PAH: variants seen among roughly 807,000 people sequenced by gnomAD.
The protein encoded by PAH is phenylalanine-4-hydroxylase.
PAH carries 64 observed loss-of-function variants against 62.0 expected under a neutral mutation model. The ratio of observed to expected loss-of-function variants is 1.03; its 90% confidence interval spans 0.84 to 1.27. PAH has a LOEUF of 1.27. Among genes scored for constraint, PAH ranks in the 50% most tolerant of loss-of-function variants. The pLI is 0.00. For missense variants in PAH, 579 were observed against 542.8 expected (o/e 1.07, Z -0.66); for synonymous variants, 195 against 196.2 (o/e 0.99, Z 0.05).
intron 1 of PAH, among the ~76,000 whole-genome samples, chr12:102,941,136 T>TACCAACAAACCTGCC (rs1455854190): frequency 1.3e-5 from 2 of 152,178 alleles, no homozygotes; most frequent in Non-Finnish European, 2.9e-5. Flanking sequence ...TGGAATTCAT[T>TACCAACAAACCTGCC]ACCAACAAAC....
At chr12:102,868,730 A>C (rs1876171298) in intron 4 of PAH, among the ~76,000 whole-genome samples, 1 of 152,282 alleles carries the variant, frequency 6.6e-6, no homozygotes, top group South Asian at 2.1e-4. Context: ...CCATTTTAGA[A>C]ACCTGTCTAC....
At chr12:102,870,735 A>G (rs552203054) in intron 4 of PAH, among the ~76,000 whole-genome samples, 1 of 152,310 alleles carries the variant, frequency 6.6e-6, no homozygotes, top group South Asian at 2.1e-4. Flanking sequence ...GAAGGATGGA[A>G]CACAGAAGAC....
At chr12:102,932,866 G>A (rs931822041) in intron 1 of PAH, among the ~76,000 whole-genome samples, 2 of 152,118 alleles carry the variant, frequency 1.3e-5, no homozygotes, top group Non-Finnish European at 2.9e-5. Flanking sequence ...GAGTACATAA[G>A]ATATTTTGAT....
At chr12:102,854,805 C>T in intron 6 of PAH, 1 of 390,620 alleles carries the variant, frequency 2.6e-6, no homozygotes, top group Admixed American at 3.7e-5. Context: ...GCAGGAACTA[C>T]AGGGCAAACA....
At chr12:102,850,705 C>T (rs1032352665) in intron 8 of PAH, among the ~76,000 whole-genome samples, 1 of 152,168 alleles carries the variant, frequency 6.6e-6, no homozygotes, top group Admixed American at 6.5e-5. Flanking sequence ...ACCATTCAAC[C>T]TTCTCATGAT....
intron 1 of PAH, chr12:102,914,402 C>T (rs896311121): frequency 1.3e-5 from 2 of 152,700 alleles, no homozygotes; most frequent in African/African-American, 4.8e-5. Flanking sequence ...GCACCAAGTG[C>T]CCCCTTTTAT....
At chr12:102,841,863 G>A (rs2093202676) in intron 11 of PAH, among the ~76,000 whole-genome samples, 2 of 152,150 alleles carry the variant, frequency 1.3e-5, no homozygotes. Context: ...AAAGGAGGTA[G>A]CATGTGAACC....
chr12:102,866,761 G>T, intron 4 of PAH, 98 bp from the exon 5 acceptor site: 2 of 953,496 alleles, frequency 2.1e-6, no homozygotes, highest in Middle Eastern at 2.1e-4. Flanking sequence ...CCATGACAGT[G>T]CATGTCTCCT....
At chr12:102,908,962 C>T (rs1592986829) in intron 2 of PAH, among the ~76,000 whole-genome samples, 1 of 151,574 alleles carries the variant, frequency 6.6e-6, no homozygotes, top group African/African-American at 2.4e-5. Context: ...CTGCCTCAGC[C>T]TCCCAAGTAG....
Position 102,844,327 on chromosome 12 carries a change from A to C in PAH, c.1065+9T>G, listed in dbSNP as rs1874730997. Reference sequence around the variant, plus strand: ...TTAAATCTATCCTTGGTTCCTGTGAAGGTCATACCTGTAATTCACCAAAGG... The same window carrying C: ...TTAAATCTATCCTTGGTTCCTGTGACGGTCATACCTGTAATTCACCAAAGG... On this transcript the variant is annotated intron_variant, in intron 10 of 12. Transcript: ENST00000553106. The C allele has an allele frequency of 6.3e-7, 1 of 1,579,152 alleles. No individual in the cohort carries two copies. Among genetic ancestry groups the C allele is most frequent in the South Asian group, 1.1e-5 (1 of 90,342 alleles).
chr12:102,892,313 C>G (rs1877310425), intron 3 of PAH, among the ~76,000 whole-genome samples: 1 of 152,142 alleles, frequency 6.6e-6, no homozygotes, highest in African/African-American at 2.4e-5. Context: ...CTTCTTTCAG[C>G]TATGGTGCCT....
At chr12:102,921,231 G>C (rs1476549242), upstream of PAH, among the ~76,000 whole-genome samples, 1 of 152,184 alleles carries the variant, frequency 6.6e-6, no homozygotes, top group East Asian at 1.9e-4. Context: ...ATAAGCTGGT[G>C]TCTTGTTGTT....
chr12:102,860,880 C>A (rs1436697892), intron 5 of PAH, among the ~76,000 whole-genome samples: 1 of 151,994 alleles, frequency 6.6e-6, no homozygotes, highest in Non-Finnish European at 1.5e-5. Flanking sequence ...CCATAAAAAC[C>A]CTAGAAGAAA....
chr12:102,890,508 A>G (rs568511287), intron 3 of PAH, among the ~76,000 whole-genome samples: 2 of 152,300 alleles, frequency 1.3e-5, no homozygotes, highest in South Asian at 4.2e-4. Flanking sequence ...TGTCAACATC[A>G]GCTCTCTCAT....
chr12:102,949,300 C>T (rs1307099242), intron 1 of PAH, among the ~76,000 whole-genome samples: 1 of 152,186 alleles, frequency 6.6e-6, no homozygotes, highest in Non-Finnish European at 1.5e-5. Flanking sequence ...AAGGACTGGT[C>T]TCACTGATGA....
intron 5 of PAH, among the ~76,000 whole-genome samples, chr12:102,857,113 C>A (rs934196845): frequency 1.3e-5 from 2 of 152,148 alleles, no homozygotes; most frequent in Admixed American, 6.5e-5. Context: ...CTAGAATAAA[C>A]AATGTAGAGA....
At chr12:102,869,089 A>C (rs556985517) in intron 4 of PAH, among the ~76,000 whole-genome samples, 1 of 152,348 alleles carries the variant, frequency 6.6e-6, no homozygotes, top group African/African-American at 2.4e-5. Flanking sequence ...TGAGCACTGA[A>C]GTAGGAATCC....
At chr12:102,926,878 T>G (rs1441715419) in intron 1 of PAH, among the ~76,000 whole-genome samples, 1 of 151,968 alleles carries the variant, frequency 6.6e-6, no homozygotes, top group African/African-American at 2.4e-5. Flanking sequence ...TTCCCAATTC[T>G]GTGTTCAGTG....
chr12:102,842,696 T>C (rs908305816), intron 11 of PAH, among the ~76,000 whole-genome samples: 5 of 152,212 alleles, frequency 3.3e-5, no homozygotes, highest in Non-Finnish European at 5.9e-5. Flanking sequence ...CTTATGTCTC[T>C]CTTTCCTCCC....
Sources: allele counts gnomAD v4.1 joint callset (sites outside exome capture counted in the v4.1 genomes callset), GRCh38; gene constraint gnomAD v4.1.1; transcripts MANE v1.5; gene names NCBI Gene and HGNC (gene_info 2026-07-23, HGNC 2026-07-21).